The following PLXNC1 variants were observed in gnomAD, a reference collection of about 807,000 sequenced individuals.
PLXNC1 encodes plexin-C1.
Under a neutral mutation model 178.2 loss-of-function variants are expected in PLXNC1, and 75 were observed. That is an observed-to-expected ratio of 0.42 (90% CI 0.35 to 0.51). PLXNC1 has a LOEUF of 0.51. PLXNC1 is among the 20% of genes least tolerant of loss of function. The probability of loss-of-function intolerance (pLI) is 0.02; values close to 1 mark genes in which losing one functional copy is unlikely to be tolerated. For missense variants in PLXNC1, 1,503 were observed against 1,984.4 expected (o/e 0.76, Z 4.61); for synonymous variants, 790 against 779.9 (o/e 1.01, Z -0.22).
At chr12:94,262,179 C>T (rs1037122684) in intron 20 of PLXNC1, among the ~76,000 whole-genome samples, 1 of 152,206 alleles carries the variant, frequency 6.6e-6, no homozygotes, top group Admixed American at 6.5e-5. Flanking sequence ...GCCCAGTAAT[C>T]CATGATTTTC....
chr12:94,221,400 G>A (rs1340887313), intron 6 of PLXNC1, among the ~76,000 whole-genome samples: 6 of 152,146 alleles, frequency 3.9e-5, no homozygotes, highest in Admixed American at 3.9e-4. Flanking sequence ...AGTGAGAGCT[G>A]GAGGAGAAGC....
chr12:94,177,395 G>T (rs1962134701), intron 2 of PLXNC1, among the ~76,000 whole-genome samples: 1 of 150,952 alleles, frequency 6.6e-6, no homozygotes, highest in East Asian at 1.9e-4. Flanking sequence ...TGGCTATCAG[G>T]ACAAGCTTCA....
At chr12:94,301,384 A>ATCAT (rs1162162349) in intron 28 of PLXNC1, among the ~76,000 whole-genome samples, 1 of 152,200 alleles carries the variant, frequency 6.6e-6, no homozygotes, top group African/African-American at 2.4e-5. Context: ...CAACCATTGA[A>ATCAT]ATTTGCCTAA....
At chr12:94,277,784 C>T (rs1410540434) in intron 21 of PLXNC1, 3 of 364,202 alleles carry the variant, frequency 8.2e-6, no homozygotes, top group Non-Finnish European at 1.6e-5. Context: ...ATTGCCGATA[C>T]TATCATCAAG....
intron 23 of PLXNC1, among the ~76,000 whole-genome samples, chr12:94,287,890 G>A (rs1023329234): frequency 5.9e-5 from 9 of 152,172 alleles, no homozygotes; most frequent in African/African-American, 9.7e-5. Context: ...AGCTCTTTCC[G>A]TCTTCTTTAC....
chr12:94,168,400 C>T (rs1961708257), intron 1 of PLXNC1: 1 of 152,234 alleles, frequency 6.6e-6, no homozygotes. Flanking sequence ...TCTCTCTGCT[C>T]TGGGTTTAAA....
At chr12:94,208,122 T>G (rs990375877) in intron 4 of PLXNC1, among the ~76,000 whole-genome samples, 1 of 152,206 alleles carries the variant, frequency 6.6e-6, no homozygotes, top group Non-Finnish European at 1.5e-5. Context: ...AATTTGAACT[T>G]AATGTCTTTG....
chr12:94,156,625 G>T (rs976608640), intron 1 of PLXNC1, among the ~76,000 whole-genome samples: 13 of 151,542 alleles, frequency 8.6e-5, no homozygotes, highest in African/African-American at 3.2e-4. Flanking sequence ...CCACAGGCGG[G>T]TGCTATCACG....
chr12:94,220,182 G>C lies in PLXNC1; in HGVS notation c.1702+19G>C. 6.2e-7 allele frequency: 1 copy of C among 1,603,472 alleles called. No individual in the cohort carries two copies. The highest frequency in any genetic ancestry group is 2.2e-5 in the East Asian group (1 of 44,768). ...TACAAAGGTATGTGGATTCTTCTGG[G>C]TTATTTTTGTTATAAAATCAAAAAA... On this transcript the variant is annotated intron_variant, in intron 6 of 30. Transcript: ENST00000258526.
chr12:94,294,719 A>T (rs1161868085), intron 24 of PLXNC1, among the ~76,000 whole-genome samples, 179 bp downstream of exon 24: 1 of 152,162 alleles, frequency 6.6e-6, no homozygotes, highest in African/African-American at 2.4e-5. Context: ...TCCCTGCAAG[A>T]AGGAAAGGAA....
intron 21 of PLXNC1, among the ~76,000 whole-genome samples, chr12:94,269,015 T>C (rs1965418543): frequency 6.6e-6 from 1 of 152,122 alleles, no homozygotes; most frequent in African/African-American, 2.4e-5. Context: ...GAGTGGAACT[T>C]TGGAGGAGTT....
At position 94,149,892 on chromosome 12, in the gene PLXNC1, G is replaced by C. The variant is rs935895606; in HGVS notation, c.921G>C (p.Ala307=). 3 of 1,588,992 alleles carry C rather than the reference G, an allele frequency of 1.9e-6. No homozygotes were observed. The highest frequency in any genetic ancestry group is 2.6e-6 in the Non-Finnish European group (3 of 1,168,504). ...TAGTGGAGGCCCTGGACGTCTGGGC[G>C]GGAGTGTTCAGCGCGGCCGCTGGAG... ...SSLVEALDVW[A]GVFSAAAGEG... The change falls in exon 1 of 31, where the codon GCG becomes GCC. Residue 307 remains alanine (A), a synonymous_variant. Transcript: ENST00000258526.
At chr12:94,251,574 C>T (rs1964689599) in intron 15 of PLXNC1, 46 bp downstream of exon 15, 2 of 1,223,126 alleles carry the variant, frequency 1.6e-6, no homozygotes, top group African/African-American at 1.5e-5. Context: ...TCCCTGGGGC[C>T]TCTCGCCGGG....
Position 94,249,654 on chromosome 12 carries a change from C to T in PLXNC1, c.2778+1242C>T, listed in dbSNP as rs564198745. Among the ~76,000 whole-genome samples the T allele has an allele frequency of 2.0e-5, 3 of 152,140 alleles. No homozygotes were observed. In the East Asian group the frequency reaches 5.8e-4, roughly 30 times the overall value. ...CTTGAGCCTCTAGAAGTCTGGGCAA[C>T]ACAGTAAGACCCTGTCTCAAAAAAA... is the stretch of plus-strand genomic sequence containing the variant. On this transcript the variant is annotated intron_variant, in intron 14 of 30. Transcript: ENST00000258526.
At chr12:94,216,028 A>T (rs1963636158) in intron 5 of PLXNC1, among the ~76,000 whole-genome samples, 1 of 152,088 alleles carries the variant, frequency 6.6e-6, no homozygotes, top group African/African-American at 2.4e-5. Context: ...CAGTTTGGGG[A>T]CTGAGGCGGG....
chr12:94,227,874 T>C (rs1206712764), intron 9 of PLXNC1, among the ~76,000 whole-genome samples: 1 of 152,254 alleles, frequency 6.6e-6, no homozygotes, highest in Non-Finnish European at 1.5e-5. Context: ...CACATGTGGC[T>C]GTGCTTACAA....
At chr12:94,239,017 G>A (rs1193968689) in intron 10 of PLXNC1, among the ~76,000 whole-genome samples, 3 of 152,136 alleles carry the variant, frequency 2.0e-5, no homozygotes, top group Non-Finnish European at 2.9e-5. Flanking sequence ...TTCACTGAAA[G>A]GCAATCAACT....
At position 94,248,063 on chromosome 12, in the gene PLXNC1, G is replaced by A. The variant is rs1231051454; in HGVS notation, c.2549G>A (p.Arg850Gln). The A allele has an allele frequency of 9.3e-6, 15 of 1,613,986 alleles. No individual in the cohort carries two copies. The highest frequency in any genetic ancestry group is 1.3e-5 in the Non-Finnish European group (15 of 1,180,018). ...YREDPRFTGYRVESEVDTELE... is the reference protein window; with the variant it reads ...YREDPRFTGYQVESEVDTELE... ...GAGGACCCCAGATTCACGGGGTATC[G>A]GGTGGAATCCGAGGTGGACACAGAA... Residue 850 changes from arginine (R) to glutamine (Q), a missense_variant, in exon 13 of 31, where the codon CGG becomes CAG. By Grantham distance (43) the Arg-to-Gln change is conservative. Around this residue, in one of 4 missense-constraint regions of PLXNC1, gnomAD observed 639 missense variants for 979.7 expected, o/e 0.65. Coordinates refer to ENST00000258526, the MANE Select transcript of PLXNC1 (RefSeq NM_005761.3).
intron 21 of PLXNC1, among the ~76,000 whole-genome samples, chr12:94,267,613 G>A: frequency 6.6e-6 from 1 of 152,134 alleles, no homozygotes; most frequent in South Asian, 2.1e-4. Context: ...TAGGGGCCTT[G>A]CCTTTAAAAA....
Sources: gnomAD v4.1 joint callset for allele counts (sites outside exome capture counted in the v4.1 genomes callset) on GRCh38, gnomAD v4.1.1 for gene constraint, gnomAD v4.1.1 regional missense constraint, MANE v1.5 for transcripts, NCBI Gene and HGNC (gene_info 2026-07-23, HGNC 2026-07-21) for gene names.